WDR26: variants seen among roughly 807,000 people sequenced by gnomAD.
WDR26 encodes the protein WD repeat domain 26.
A neutral mutation model predicts 84.1 loss-of-function variants in WDR26; 5 were observed. The ratio of observed to expected loss-of-function variants is 0.06; its 90% confidence interval spans 0.03 to 0.13. The LOEUF (loss-of-function observed/expected upper bound fraction) is 0.13. Among genes scored for constraint, WDR26 ranks in the 10% least tolerant of loss-of-function variants. WDR26 has a pLI of 1.00. For missense variants in WDR26, 642 were observed against 974.9 expected (o/e 0.66, Z 4.55); for synonymous variants, 415 against 389.6 (o/e 1.07, Z -0.77).
intron 6 of WDR26, among the ~76,000 whole-genome samples, chr1:224,417,050 TCAAA>T (rs1317500591): frequency 7.2e-5 from 11 of 152,182 alleles, no homozygotes; most frequent in African/African-American, 1.9e-4. Flanking sequence ...GGCCAATATC[TCAAA>T]CAATTATTAT....
At chr1:224,394,537 C>T (rs1211326140) in intron 12 of WDR26, among the ~76,000 whole-genome samples, 1 of 151,076 alleles carries the variant, frequency 6.6e-6, no homozygotes, top group Non-Finnish European at 1.5e-5. Context: ...CGGAGTCTCA[C>T]TCTGTTGCCC....
intron 4 of WDR26, among the ~76,000 whole-genome samples, chr1:224,422,297 T>G (rs1355894512): frequency 6.6e-6 from 1 of 152,184 alleles, no homozygotes; most frequent in Admixed American, 6.5e-5. Flanking sequence ...GATCAGGGAT[T>G]TTGTGGCCTT....
At chr1:224,425,785 G>A (rs1056249371) in intron 3 of WDR26, among the ~76,000 whole-genome samples, 1 of 152,076 alleles carries the variant, frequency 6.6e-6, no homozygotes, top group Non-Finnish European at 1.5e-5. Context: ...GAGACTCCAA[G>A]GAATACAGCG....
chr1:224,393,450 T>C (rs1176225520), intron 13 of WDR26, among the ~76,000 whole-genome samples: 2 of 152,226 alleles, frequency 1.3e-5, no homozygotes, highest in Non-Finnish European at 2.9e-5. Flanking sequence ...AGATATTTAA[T>C]ATCTAAAGTT....
chr1:224,391,407 T>G (rs1434744183), intron 13 of WDR26, among the ~76,000 whole-genome samples: 2 of 151,764 alleles, frequency 1.3e-5, no homozygotes, highest in Non-Finnish European at 2.9e-5. Flanking sequence ...TTAATTCTAC[T>G]GTTAAAATTT....
At chr1:224,415,453 CTTTTTTTTT>C (rs149995544) in intron 6 of WDR26, among the ~76,000 whole-genome samples, 40 of 82,352 alleles carry the variant, frequency 4.9e-4, no homozygotes, top group South Asian at 2.7e-3. Context: ...GTATTTCTTT[CTTTTTTTTT>C]TTTTTTTTTT....
chr1:224,396,280 A>G (rs1481153616), intron 12 of WDR26, among the ~76,000 whole-genome samples: 1 of 152,206 alleles, frequency 6.6e-6, no homozygotes, highest in Admixed American at 6.5e-5. Flanking sequence ...GGATAATGGT[A>G]GCCATACATA....
chr1:224,434,625 G>A lies in WDR26; in HGVS notation c.-220C>T. ...GTGCGCGGCCCGGGGGTCGCGCCGG[G>A]GGGCGCCGCGGGGCGGCTGCGGGGG... On this transcript the variant is annotated 5_prime_UTR_variant, in exon 1 of 14. Coordinates refer to ENST00000414423, the MANE Select transcript of WDR26 (RefSeq NM_001379403.1). The A allele has an allele frequency of 1.7e-6, 1 of 589,804 alleles. No individual in the cohort carries two copies. The highest frequency in any genetic ancestry group is 2.1e-6 in the Non-Finnish European group (1 of 471,516). The allele number at this position is 589,804 out of a possible 1,614,324, so 36.5% of individuals were successfully genotyped here.
chr1:224,407,872 A>C (rs1349571164), intron 7 of WDR26, among the ~76,000 whole-genome samples: 1 of 152,142 alleles, frequency 6.6e-6, no homozygotes, highest in African/African-American at 2.4e-5. Flanking sequence ...AAATACCATC[A>C]TACCAAAAGA....
intron 13 of WDR26, among the ~76,000 whole-genome samples, chr1:224,390,130 T>C (rs191420269): frequency 6.6e-6 from 1 of 152,274 alleles, no homozygotes; most frequent in East Asian, 1.9e-4. Flanking sequence ...TAGAATCTCA[T>C]GCTTTTATTT....
Position 224,404,420 on chromosome 1 carries a change from A to G in WDR26, c.1599+10T>C. ...ACTTAAAAGCTCAACCAAAGATGGA[A>G]CTCGCTCACTTGTACATTCCAAAGC... On this transcript the variant is annotated intron_variant, in intron 8 of 13. Coordinates refer to ENST00000414423, the MANE Select transcript of WDR26 (RefSeq NM_001379403.1). 1 of 1,612,202 alleles carries G rather than the reference A, an allele frequency of 6.2e-7. No homozygotes were observed. Among genetic ancestry groups the G allele is most frequent in the Non-Finnish European group, 8.5e-7 (1 of 1,179,392 alleles).
chr1:224,424,037 CCTGT>C (rs1370852093), intron 4 of WDR26, among the ~76,000 whole-genome samples: 1 of 127,006 alleles, frequency 7.9e-6, no homozygotes, highest in Admixed American at 9.5e-5. Context: ...ACTGTAAGAC[CCTGT>C]CTCTACCCTT....
intron 10 of WDR26, 22 bp downstream of exon 10, chr1:224,398,867 A>G (rs1558418666): frequency 6.2e-7 from 1 of 1,611,636 alleles, no homozygotes; most frequent in Admixed American, 1.7e-5. Context: ...ATTGTTGTTT[A>G]ATGGAAACAA....
chr1:224,422,730 A>T (rs1234443467), intron 4 of WDR26, among the ~76,000 whole-genome samples: 1 of 151,900 alleles, frequency 6.6e-6, no homozygotes, highest in African/African-American at 2.4e-5. Flanking sequence ...AAAAAAAGGA[A>T]AGAAATTAAG....
intron 6 of WDR26, among the ~76,000 whole-genome samples, chr1:224,416,309 G>A (rs1300002464): frequency 1.3e-4 from 19 of 151,614 alleles, no homozygotes. Flanking sequence ...CTCATTGCAA[G>A]CTCCGCCTCC....
chr1:224,431,439 A>G (rs1398400130), intron 3 of WDR26, 38 bp downstream of exon 3: 1 of 1,577,932 alleles, frequency 6.3e-7, no homozygotes, highest in Admixed American at 1.7e-5. Context: ...CTACTAAAAT[A>G]AGCATAAATG....
In WDR26 at chr1:224,401,690, G is replaced by GAAAAAAAAAAAAAAAAAA. The variant is rs67543360; in HGVS notation, c.1600-622_1600-621insTTTTTTTTTTTTTTTTTT. ...CTGTCTCAAAAAAAAAAAAAAAAAA[G>GAAAAAAAAAAAAAAAAAA]AAAAAAAAAAAGAAAAAAGAAAAAA... On this transcript the variant is annotated intron_variant, in intron 8 of 13. Transcript: ENST00000414423. Among the ~76,000 whole-genome samples the GAAAAAAAAAAAAAAAAAA allele has an allele frequency of 1.7e-4, 14 of 84,010 alleles. 1 individual carries two copies. The highest frequency in any genetic ancestry group is 4.3e-4 in the South Asian group (1 of 2,348). The allele number at this position is 84,010 out of a possible 152,430, so 55.1% of individuals were successfully genotyped here.
Position 224,386,232 on chromosome 1 carries a change from G to A in WDR26, c.*3603C>T, listed in dbSNP as rs1409811974. ...ATCAGATATGGTTTCTGAAATGGAA[G>A]TAATGTGTTGGAGGGCAACCCAAAA... On this transcript the variant is annotated 3_prime_UTR_variant, in exon 14 of 14. Transcript: ENST00000414423. The A allele has an allele frequency of 6.6e-6, 1 of 152,642 alleles. No individual in the cohort carries two copies. The highest frequency in any genetic ancestry group is 1.5e-5 in the Non-Finnish European group (1 of 68,034). 9.5% of individuals were successfully genotyped at this position (152,642 alleles called of 1,614,324 possible).
At chr1:224,409,070 G>A (rs896735749) in intron 7 of WDR26, among the ~76,000 whole-genome samples, 1 of 152,092 alleles carries the variant, frequency 6.6e-6, no homozygotes, top group Non-Finnish European at 1.5e-5. Context: ...ATATTAGGTA[G>A]TGGTGGGTAG....
Sources: gnomAD v4.1 joint callset for allele counts (sites outside exome capture counted in the v4.1 genomes callset) on GRCh38, gnomAD v4.1.1 for gene constraint, MANE v1.5 for transcripts, NCBI Gene and HGNC (gene_info 2026-07-23, HGNC 2026-07-21) for gene names.